CSMD3: variants seen among roughly 807,000 people sequenced by gnomAD.
CSMD3 encodes CUB and sushi domain-containing protein 3.
A neutral mutation model predicts 435.2 loss-of-function variants in CSMD3; 177 were observed. That is an observed-to-expected ratio of 0.41 (90% CI 0.36 to 0.46). CSMD3 has a LOEUF of 0.46. Among genes scored for constraint, CSMD3 ranks in the 20% least tolerant of loss-of-function variants. CSMD3 has a pLI of 0.34. For synonymous variants in CSMD3, 1,656 were observed against 1,520.5 expected (o/e 1.09, Z -2.07); for missense variants, 4,265 against 4,504.6 (o/e 0.95, Z 1.52).
chr8:113,302,296 T>C (rs976277212), intron 2 of CSMD3, among the ~76,000 whole-genome samples: 7 of 7,914 alleles, frequency 8.8e-4, no homozygotes, highest in African/African-American at 6.5e-3. Context: ...TATAATATAA[T>C]ATAATATATA....
At chr8:112,600,035 T>C (rs1290897106) in intron 22 of CSMD3, among the ~76,000 whole-genome samples, 1 of 150,184 alleles carries the variant, frequency 6.7e-6, no homozygotes, top group Non-Finnish European at 1.5e-5. Flanking sequence ...AAAAAAGGAA[T>C]AGTACAGAGG....
intron 47 of CSMD3, among the ~76,000 whole-genome samples, chr8:112,317,839 G>C (rs1488077567): frequency 6.6e-6 from 1 of 151,978 alleles, no homozygotes; most frequent in Non-Finnish European, 1.5e-5. Flanking sequence ...CTTTAGACTT[G>C]TTATAGCAGC....
intron 28 of CSMD3, among the ~76,000 whole-genome samples, chr8:112,507,640 A>T (rs889062797): frequency 1.3e-5 from 2 of 152,174 alleles, no homozygotes; most frequent in South Asian, 2.1e-4. Flanking sequence ...TCTGAGATAA[A>T]TATGAGCATT....
intron 6 of CSMD3, among the ~76,000 whole-genome samples, chr8:112,978,828 C>G (rs1307845959): frequency 6.6e-6 from 1 of 151,898 alleles, no homozygotes; most frequent in African/African-American, 2.4e-5. Context: ...ACTGCTGAAT[C>G]CCTAGCTCCT....
intron 5 of CSMD3, among the ~76,000 whole-genome samples, chr8:113,037,630 G>A (rs1381830800): frequency 3.3e-5 from 5 of 151,802 alleles, no homozygotes; most frequent in Non-Finnish European, 7.4e-5. Flanking sequence ...CAAATGTATT[G>A]GTATTCTTTT....
chr8:112,348,901 A>G (rs1255754858), intron 40 of CSMD3, among the ~76,000 whole-genome samples: 2 of 152,130 alleles, frequency 1.3e-5, no homozygotes, highest in Admixed American at 6.6e-5. Flanking sequence ...GAGAAAATTG[A>G]TAATTTTTTA....
At chr8:112,274,566 C>T (rs1817851487) in intron 59 of CSMD3, among the ~76,000 whole-genome samples, 1 of 152,104 alleles carries the variant, frequency 6.6e-6, no homozygotes, top group South Asian at 2.1e-4. Context: ...GGAAACTGCC[C>T]ATGGTTTGAG....
At chr8:112,558,493 C>A (rs890363746) in intron 24 of CSMD3, among the ~76,000 whole-genome samples, 1 of 151,876 alleles carries the variant, frequency 6.6e-6, no homozygotes, top group Non-Finnish European at 1.5e-5. Context: ...TAAAAACAGA[C>A]AGTTTTTACG....
intron 5 of CSMD3, among the ~76,000 whole-genome samples, chr8:113,019,694 T>A (rs1484168310): frequency 2.6e-5 from 4 of 151,978 alleles, no homozygotes; most frequent in Non-Finnish European, 5.9e-5. Context: ...TAAATTGATA[T>A]CCTTATTTCC....
chr8:112,911,639 ATATGTGTGTGTGTG>A (rs2082416103), intron 10 of CSMD3, among the ~76,000 whole-genome samples: 1 of 42,276 alleles, frequency 2.4e-5, no homozygotes, highest in African/African-American at 1.3e-4. Flanking sequence ...GTGTACATAT[ATATGTGTGTGTGTG>A]TGTGTGTGTG....
At chr8:112,730,762 T>A (rs1314069723) in intron 13 of CSMD3, among the ~76,000 whole-genome samples, 1 of 152,040 alleles carries the variant, frequency 6.6e-6, no homozygotes, top group Admixed American at 6.6e-5. Context: ...CATGCAATGA[T>A]TCTGTGATGG....
intron 4 of CSMD3, among the ~76,000 whole-genome samples, chr8:113,156,588 C>T (rs2091932823): frequency 6.6e-6 from 1 of 151,828 alleles, no homozygotes; most frequent in African/African-American, 2.4e-5. Flanking sequence ...AAGTGGACTA[C>T]TCTATTCTGA....
At chr8:113,259,103 A>G (rs1248485905) in intron 3 of CSMD3, among the ~76,000 whole-genome samples, 3 of 152,068 alleles carry the variant, frequency 2.0e-5, no homozygotes, top group Admixed American at 2.0e-4. Flanking sequence ...AGTTGATTGC[A>G]AAAAAATGCC....
intron 40 of CSMD3, among the ~76,000 whole-genome samples, chr8:112,350,325 A>G (rs932229802): frequency 6.9e-6 from 1 of 145,646 alleles, no homozygotes; most frequent in Non-Finnish European, 1.5e-5. Flanking sequence ...TCAGAAAGAG[A>G]TATCTTCTTC....
chr8:112,921,870 T>C, intron 9 of CSMD3, 119 bp from the exon 10 acceptor site: 3 of 768,834 alleles, frequency 3.9e-6, no homozygotes, highest in South Asian at 1.5e-5. Context: ...AAAAGTATTT[T>C]GGAAAACAAA....
chr8:112,589,505 G>A (rs192233285), intron 22 of CSMD3, among the ~76,000 whole-genome samples: 33 of 152,100 alleles, frequency 2.2e-4, no homozygotes, highest in South Asian at 6.2e-4. Flanking sequence ...AAAATATTAC[G>A]GATAATTCTC....
intron 13 of CSMD3, among the ~76,000 whole-genome samples, chr8:112,782,277 C>T (rs2078409107): frequency 6.6e-6 from 1 of 151,868 alleles, no homozygotes; most frequent in Non-Finnish European, 1.5e-5. Flanking sequence ...AATTATGGAG[C>T]TGAAAAAGGC....
At chr8:113,193,556 T>C (rs1212554670) in intron 3 of CSMD3, among the ~76,000 whole-genome samples, 2 of 151,446 alleles carry the variant, frequency 1.3e-5, no homozygotes, top group African/African-American at 4.8e-5. Flanking sequence ...TGTTTGATTT[T>C]AATTATCTCC....
At chr8:112,681,282 G>C (rs1240109698) in intron 16 of CSMD3, among the ~76,000 whole-genome samples, 1 of 151,434 alleles carries the variant, frequency 6.6e-6, no homozygotes, top group African/African-American at 2.4e-5. Context: ...TCAATCTCCT[G>C]ATCTCGTGAT....
Sources: allele counts gnomAD v4.1 joint callset (sites outside exome capture counted in the v4.1 genomes callset), GRCh38; gene constraint gnomAD v4.1.1; transcripts MANE v1.5; gene names NCBI Gene and HGNC (gene_info 2026-07-23, HGNC 2026-07-21).